Variants in RPAP2 observed in about 807,000 individuals in gnomAD.
RPAP2 encodes putative RNA polymerase II subunit B1 CTD phosphatase RPAP2.
In RPAP2, 52 loss-of-function variants were observed where a neutral mutation model predicts 73.1. The ratio of observed to expected loss-of-function variants is 0.71; its 90% CI spans 0.57 to 0.90. The LOEUF (loss-of-function observed/expected upper bound fraction) is 0.90, where lower values mean the gene tolerates loss of function less well. Among genes scored for constraint, RPAP2 ranks in the 40% least tolerant of loss-of-function variants. The pLI is 0.00. For missense variants in RPAP2, 598 were observed against 701.8 expected, an observed-to-expected ratio of 0.85 and a Z score of 1.67; for synonymous variants, 225 against 242.1, an observed-to-expected ratio of 0.93 and a Z score of 0.65.
chr1:92,376,714 G>A (rs1269257544), intron 11 of RPAP2, among the ~76,000 whole-genome samples: 1 of 152,162 alleles, frequency 6.6e-6, no homozygotes. Flanking sequence ...CCTTCTGTAT[G>A]TTCATTGAGG....
intron 8 of RPAP2, among the ~76,000 whole-genome samples, chr1:92,326,102 A>T (rs919495976): frequency 6.6e-6 from 1 of 151,934 alleles, no homozygotes; most frequent in Non-Finnish European, 1.5e-5. Flanking sequence ...AGATAATGCC[A>T]AACAGTTTTC....
intron 11 of RPAP2, chr1:92,363,651 C>T: frequency 3.8e-6 from 1 of 265,636 alleles, no homozygotes; most frequent in South Asian, 4.1e-5. Context: ...TATTTTTCCA[C>T]CTCTGCCACA....
intron 12 of RPAP2, among the ~76,000 whole-genome samples, chr1:92,381,374 A>T (rs1655621290): frequency 6.6e-6 from 1 of 152,274 alleles, no homozygotes; most frequent in East Asian, 1.9e-4. Flanking sequence ...TCCCAGATAC[A>T]CAGCCCTCTC....
chr1:92,302,910 T>G (rs1032716032), intron 3 of RPAP2, among the ~76,000 whole-genome samples: 1 of 152,038 alleles, frequency 6.6e-6, no homozygotes, highest in Non-Finnish European at 1.5e-5. Context: ...CGCATTAATT[T>G]TTTTTTGGCC....
At chr1:92,339,751 C>T in intron 10 of RPAP2, among the ~76,000 whole-genome samples, 1 of 152,102 alleles carries the variant, frequency 6.6e-6, no homozygotes, top group East Asian at 1.9e-4. Context: ...CACAGTGGCT[C>T]ATGTCTGTAA....
In RPAP2 at chr1:92,324,252, A is replaced by G; in HGVS notation, c.1332A>G (p.Lys444=). 6.2e-7 allele frequency: 1 copy of G among 1,614,086 alleles called. No homozygotes were observed. Among genetic ancestry groups the G allele is most frequent in the Non-Finnish European group, 8.5e-7 (1 of 1,179,980 alleles). The part of the protein sequence containing the change: ...LPFRGSGTAI[K]PLPSYENLKK... ...TTAGGGGCTCAGGTACAGCCATTAA[A>G]CCACTGCCAAGTTACGAGAATTTGA... The change falls in exon 8 of 13, where the codon AAA becomes AAG. Residue 444 remains lysine (K), a synonymous_variant. Transcript: ENST00000610020.
intron 6 of RPAP2, among the ~76,000 whole-genome samples, chr1:92,310,861 C>A (rs987231192): frequency 6.6e-6 from 1 of 152,142 alleles, no homozygotes; most frequent in Non-Finnish European, 1.5e-5. Context: ...CACACCATTG[C>A]GCTCCAGCCT....
chr1:92,299,220 C>A (rs1650588635), intron 1 of RPAP2, 74 bp downstream of exon 1: 1 of 935,270 alleles, frequency 1.1e-6, no homozygotes, highest in Admixed American at 3.4e-5. Context: ...GACCGCAGCG[C>A]GCGGGCGCTC....
intron 5 of RPAP2, among the ~76,000 whole-genome samples, chr1:92,305,084 G>C (rs1055061571): frequency 2.6e-5 from 4 of 151,862 alleles, no homozygotes; most frequent in Non-Finnish European, 5.9e-5. Context: ...ACAGTGAGCC[G>C]AGATCATGCC....
At chr1:92,380,455 A>T (rs1331187726) in intron 11 of RPAP2, among the ~76,000 whole-genome samples, 2 of 152,190 alleles carry the variant, frequency 1.3e-5, no homozygotes, top group Admixed American at 6.5e-5. Context: ...TTTTCTGAGC[A>T]GAATTTTAGT....
chr1:92,336,040 T>G (rs988780056), intron 9 of RPAP2, among the ~76,000 whole-genome samples: 12 of 152,202 alleles, frequency 7.9e-5, no homozygotes, highest in Non-Finnish European at 4.4e-5. Context: ...TTGTGTTCTT[T>G]CCATCTTGGT....
rs1650943168 is a variant in RPAP2 at position 92,302,636 on chromosome 1, CTG to C, written c.234+1048_234+1049del. Among the ~76,000 whole-genome samples, 4 of 117,260 alleles carry C rather than the reference CTG, an allele frequency of 3.4e-5. No homozygotes were observed. The South Asian group carries it at 8.8e-4, about 26-fold the overall frequency. 76.9% of individuals were successfully genotyped at this position (117,260 alleles called of 152,430 possible). A position where few individuals can be genotyped will look rare whatever the true frequency, so the allele number is the denominator to read the frequency against. On this transcript the variant is annotated intron_variant, in intron 3 of 12. Coordinates refer to ENST00000610020, the MANE Select transcript of RPAP2 (RefSeq NM_024813.3). ...TTTTTTTTTGAGACGGAGCCTCACT[CTG>C]TCGCCCAGGCTGGAGTGCAGTGGCG...
At chr1:92,316,192 G>T (rs1651894163) in intron 6 of RPAP2, among the ~76,000 whole-genome samples, 1 of 152,136 alleles carries the variant, frequency 6.6e-6, no homozygotes, top group East Asian at 1.9e-4. Context: ...AGAGCTAAAA[G>T]CGCCATCATC....
chr1:92,325,123 G>C (rs1458460865), intron 8 of RPAP2, among the ~76,000 whole-genome samples: 1 of 152,140 alleles, frequency 6.6e-6, no homozygotes, highest in African/African-American at 2.4e-5. Flanking sequence ...CTGAGATTTA[G>C]AGAGCATCTT....
At chr1:92,305,450 A>AAAAAAAAAAAAAAAC (rs1202528088) in intron 5 of RPAP2, among the ~76,000 whole-genome samples, 7 of 141,850 alleles carry the variant, frequency 4.9e-5, no homozygotes, top group African/African-American at 1.8e-4. Context: ...AAAAAAAAAA[A>AAAAAAAAAAAAAAAC]AGACAATATG....
At chr1:92,324,701 C>T (rs760291830) in intron 8 of RPAP2, among the ~76,000 whole-genome samples, 19 of 152,016 alleles carry the variant, frequency 1.2e-4, no homozygotes, top group South Asian at 2.1e-4. Context: ...TTTTCTTCTT[C>T]GGTATTCTTT....
chr1:92,326,363 G>A (rs1652626927), intron 8 of RPAP2, among the ~76,000 whole-genome samples: 1 of 152,176 alleles, frequency 6.6e-6, no homozygotes, highest in Non-Finnish European at 1.5e-5. Flanking sequence ...TGGTGGAGAT[G>A]GCAGGGGGGT....
In RPAP2 at chr1:92,316,316, A is replaced by T. The variant is rs975373302; in HGVS notation, c.489-4283A>T. The stretch of plus-strand genomic sequence containing the variant: ...AACTATAACCTCTTCCTGAACAGCC[A>T]CCTCTGTTGCTTGGTATGCAGAATA... On this transcript the variant is annotated intron_variant, in intron 6 of 12. Transcript: ENST00000610020. 2.0e-5 allele frequency among the ~76,000 whole-genome samples: 3 copies of T among 152,214 alleles called. No homozygotes were observed. The East Asian group carries it at 5.8e-4, about 29-fold the overall frequency.
At chr1:92,333,083 T>G (rs1653068994) in intron 8 of RPAP2, among the ~76,000 whole-genome samples, 1 of 152,152 alleles carries the variant, frequency 6.6e-6, no homozygotes, top group Non-Finnish European at 1.5e-5. Flanking sequence ...ATCCCCTACA[T>G]TTGTACAGCA....
Sources: gnomAD v4.1 joint callset for allele counts (sites outside exome capture counted in the v4.1 genomes callset) on GRCh38, gnomAD v4.1.1 for gene constraint, MANE v1.5 for transcripts, NCBI Gene and HGNC (gene_info 2026-07-23, HGNC 2026-07-21) for gene names.